Variants in ARMCX1 observed in about 807,000 individuals in gnomAD.
ARMCX1 encodes armadillo repeat containing X-linked 1, also known as armadillo repeat-containing X-linked protein 1.
In ARMCX1, 4 loss-of-function variants were observed where a neutral mutation model predicts 15.4. That is an observed-to-expected ratio of 0.26 (90% CI 0.13 to 0.59). The LOEUF is 0.59. ARMCX1 is among the 20% of genes least tolerant of loss of function. The pLI is 0.89. For missense variants in ARMCX1, 273 were observed against 337.1 expected (o/e 0.81, Z 1.49); for synonymous variants, 144 against 130.5 (o/e 1.10, Z -0.71).
chrX:101,553,957 A>G lies in ARMCX1; in HGVS notation c.1027A>G (p.Thr343Ala). 1 of 1,209,946 alleles carries G rather than the reference A, an allele frequency of 8.3e-7. No homozygotes were observed. Among genetic ancestry groups the G allele is most frequent in the Non-Finnish European group, 1.1e-6 (1 of 894,547 alleles). ...TTTGTTATTCCTGGGAAATCACTTC[A>G]CCAAGATACAGATTATGAAACTAAT... Reference protein sequence around the residue: ...FALLFLGNHFTKIQIMKLIIN... With the variant: ...FALLFLGNHFAKIQIMKLIIN... Residue 343 changes from threonine to alanine, a missense_variant, in exon 4 of 4, where the codon ACC becomes GCC. Around this residue, in one of 2 missense-constraint regions of ARMCX1, gnomAD observed 126 missense variants for 193.6 expected, o/e 0.65. Transcript: ENST00000372829.
intron 2 of ARMCX1, among the ~76,000 whole-genome samples, chrX:101,551,268 C>T (rs1271764422): frequency 1.8e-5 from 2 of 110,098 alleles, no homozygotes; most frequent in African/African-American, 6.6e-5. Context: ...TCCATATCCC[C>T]CCTCGCCCCG....
intron 3 of ARMCX1, among the ~76,000 whole-genome samples, chrX:101,552,298 G>C (rs942091084): frequency 9.9e-5 from 11 of 110,807 alleles, no homozygotes; most frequent in Non-Finnish European, 1.7e-4. Context: ...TCTGTGAGGA[G>C]AGGAGGGTAA....
chrX:101,554,423 A>G lies in ARMCX1; in HGVS notation c.*131A>G. 1.5e-6 allele frequency: 1 copy of G among 672,628 alleles called. No homozygotes were observed. The highest frequency in any genetic ancestry group is 3.6e-5 in the East Asian group (1 of 28,045). 55.4% of individuals were successfully genotyped at this position (672,628 alleles called of 1,213,427 possible). A position where few individuals can be genotyped will look rare whatever the true frequency, so the allele number is the denominator to read the frequency against. ...CTGCTATTTTGGAATAATGACTATC[A>G]TATATCATAACAGTGACTGATGTTG... On this transcript the variant is annotated 3_prime_UTR_variant, in exon 4 of 4. Coordinates refer to ENST00000372829, the MANE Select transcript of ARMCX1 (RefSeq NM_016608.2).
In ARMCX1 at chrX:101,552,833, G is replaced by T; in HGVS notation, c.-98G>T. The stretch of plus-strand genomic sequence containing the variant: ...GGTCGAGCTGCCTCAGAGCCGGCCC[G>T]CAGTAGCTGCAGACTCCGCCCGCGA... On this transcript the variant is annotated 5_prime_UTR_variant, in exon 4 of 4. Transcript: ENST00000372829. 9.9e-7 allele frequency: 1 copy of T among 1,008,302 alleles called. No homozygotes were observed. The highest frequency in any genetic ancestry group is 1.3e-6 in the Non-Finnish European group (1 of 749,297). The allele number at this position is 1,008,302 out of a possible 1,213,427, so 83.1% of individuals were successfully genotyped here. A position where few individuals can be genotyped will look rare whatever the true frequency, so the allele number is the denominator to read the frequency against.
rs1935411454 is a variant in ARMCX1 at position 101,554,130 on chromosome X, A to G, written c.1200A>G (p.Ile400Met). 1 of 1,208,398 alleles carries G rather than the reference A, an allele frequency of 8.3e-7. No homozygotes were observed. Among genetic ancestry groups the G allele is most frequent in the Non-Finnish European group, 1.1e-6 (1 of 894,650 alleles). Residue 400 changes from isoleucine to methionine, a missense_variant, in exon 4 of 4, where the codon ATA becomes ATG. This residue lies in a region of ARMCX1 where 126 missense variants were observed against 193.6 expected (regional missense o/e 0.65). Transcript: ENST00000372829. ...LTLFENINDN[I>M]KNEGLASSRK... ...TATTTGAGAATATAAATGACAACATAAAAAATGAAGGGCTCGCATCATCCA... is the reference window on the plus strand; with the variant it reads ...TATTTGAGAATATAAATGACAACATGAAAAATGAAGGGCTCGCATCATCCA...
chrX:101,553,197 T>G lies in ARMCX1; in HGVS notation c.267T>G (p.Gly89=), dbSNP rs1426236500. Residue 89 remains glycine, a synonymous_variant, in exon 4 of 4, where the codon GGT becomes GGG. Coordinates refer to ENST00000372829, the MANE Select transcript of ARMCX1 (RefSeq NM_016608.2). ...EVSLGLEDCP[G]VKEKAHSGSH... ...GTTTGGGACTCGAGGATTGTCCGGG[T>G]GTAAAAGAGAAGGCCCATTCAGGAT... 1 of 1,211,020 alleles carries G rather than the reference T, an allele frequency of 8.3e-7. No individual in the cohort carries two copies. The highest frequency in any genetic ancestry group is 1.7e-5 in the African/African-American group (1 of 57,539).
intron 3 of ARMCX1, 42 bp from the exon 4 acceptor site, chrX:101,552,767 C>G: frequency 1.9e-6 from 1 of 513,238 alleles, no homozygotes. Flanking sequence ...TTCAAAGACA[C>G]AAAAAGGAGC....
intron 3 of ARMCX1, among the ~76,000 whole-genome samples, chrX:101,552,433 C>T (rs1292893059): frequency 9.0e-6 from 1 of 111,269 alleles, no homozygotes; most frequent in African/African-American, 3.3e-5. Flanking sequence ...TCCCCGCGCC[C>T]TTGGTCTGCA....
At chrX:101,552,015 T>TGG (rs372253601) in intron 3 of ARMCX1, among the ~76,000 whole-genome samples, 179 of 8,055 alleles carry the variant, frequency 0.022, 2 homozygotes, top group South Asian at 0.091. Flanking sequence ...TGACACGGGG[T>TGG]GGGGGGGGGG....
chrX:101,552,026 G>GGT (rs1471600458), intron 3 of ARMCX1, among the ~76,000 whole-genome samples: 1 of 53,817 alleles, frequency 1.9e-5, no homozygotes, highest in African/African-American at 8.0e-5. Flanking sequence ...GGGGGGGGGG[G>GGT]GCGGCGGTGT....
In ARMCX1 at chrX:101,554,238, T is replaced by C; in HGVS notation, c.1308T>C (p.Asn436=). 1 of 1,202,718 alleles carries C rather than the reference T, an allele frequency of 8.3e-7. No individual in the cohort carries two copies. ...TTAAGAAAATCAAAGCACTAGCAAA[T>C]CACAATGATCTGGTGGTGAAAGTAA... ...VCVKKIKALA[N]HNDLVVKVKV... Residue 436 remains asparagine, a synonymous_variant, in exon 4 of 4, where the codon AAT becomes AAC. Coordinates refer to ENST00000372829, the MANE Select transcript of ARMCX1 (RefSeq NM_016608.2).
chrX:101,552,285 A>T (rs909274683), intron 3 of ARMCX1, among the ~76,000 whole-genome samples: 25 of 110,689 alleles, frequency 2.3e-4, no homozygotes, highest in African/African-American at 7.2e-4. Context: ...CCAAAGCCGC[A>T]GCTCTGTGAG....
intron 3 of ARMCX1, among the ~76,000 whole-genome samples, chrX:101,552,143 A>G (rs2147741170): frequency 9.1e-6 from 1 of 109,580 alleles, no homozygotes; most frequent in Non-Finnish European, 1.9e-5. Context: ...TCATTTTGTT[A>G]CAAGGAAAAT....
Position 101,552,025 on chromosome X carries a change from G to A in ARMCX1, c.-123+392G>A, listed in dbSNP as rs1287239544. ...TATAATGACACGGGGTGGGGGGGGG[G>A]GGCGGCGGTGTCCTGGTACATTTGA... On this transcript the variant is annotated intron_variant, in intron 3 of 3. Coordinates refer to ENST00000372829, the MANE Select transcript of ARMCX1 (RefSeq NM_016608.2). 1.9e-4 allele frequency among the ~76,000 whole-genome samples: 11 copies of A among 56,733 alleles called. 1 individual carries two copies. The highest frequency in any genetic ancestry group is 3.0e-4 in the African/African-American group (4 of 13,376). The allele number at this position is 56,733 out of a possible 115,157, so 49.3% of individuals were successfully genotyped here.
At position 101,554,434 on chromosome X, in the gene ARMCX1, C is replaced by A; in HGVS notation, c.*142C>A. The A allele has an allele frequency of 1.7e-6, 1 of 594,035 alleles. No individual in the cohort carries two copies. Among genetic ancestry groups the A allele is most frequent in the Non-Finnish European group, 2.5e-6 (1 of 399,180 alleles). The allele number at this position is 594,035 out of a possible 1,213,427, so 49.0% of individuals were successfully genotyped here. A position where few individuals can be genotyped will look rare whatever the true frequency, so the allele number is the denominator to read the frequency against. ...GAATAATGACTATCATATATCATAA[C>A]AGTGACTGATGTTGGTTGTAATGGT... On this transcript the variant is annotated 3_prime_UTR_variant, in exon 4 of 4. Coordinates refer to ENST00000372829, the MANE Select transcript of ARMCX1 (RefSeq NM_016608.2).
chrX:101,552,888 G>A lies in ARMCX1; in HGVS notation c.-43G>A. 8.5e-7 allele frequency: 1 copy of A among 1,178,029 alleles called. No homozygotes were observed. On this transcript the variant is annotated 5_prime_UTR_variant, in exon 4 of 4. Coordinates refer to ENST00000372829, the MANE Select transcript of ARMCX1 (RefSeq NM_016608.2). Reference sequence around the variant, plus strand: ...TGCGCGCTTCTCTGGGCCAGAGCGAGCCTGTTTTGTGCTCGGGTTAAGAGA... The same window carrying A: ...TGCGCGCTTCTCTGGGCCAGAGCGAACCTGTTTTGTGCTCGGGTTAAGAGA...
chrX:101,553,795 A>C lies in ARMCX1; in HGVS notation c.865A>C (p.Ser289Arg), dbSNP rs782024205. The C allele has an allele frequency of 4.1e-6, 5 of 1,210,265 alleles. No homozygotes were observed. The highest frequency in any genetic ancestry group is 5.6e-6 in the Non-Finnish European group (5 of 895,312). The change falls in exon 4 of 4, where the codon AGT becomes CGT. Residue 289 changes from serine to arginine, a missense_variant. Ser to Arg is a moderately radical substitution (Grantham distance 110, BLOSUM62 -1). This residue lies in a region of ARMCX1 where 126 missense variants were observed against 193.6 expected (regional missense o/e 0.65). Transcript: ENST00000372829. Reference sequence around the variant, plus strand: ...TCAGGGCAAGATTAAGACGTACATCAGTCAAGTGTGTGATGACACCATGGT... The same window carrying C: ...TCAGGGCAAGATTAAGACGTACATCCGTCAAGTGTGTGATGACACCATGGT... ...ENQGKIKTYI[S>R]QVCDDTMVCR...
Position 101,552,941 on chromosome X carries a change from C to T in ARMCX1, c.11C>T (p.Thr4Ile), listed in dbSNP as rs376752530. 1.7e-6 allele frequency: 2 copies of T among 1,207,687 alleles called. No individual in the cohort carries two copies. Among genetic ancestry groups the T allele is most frequent in the African/African-American group, 3.5e-5 (2 of 57,188 alleles). ...TGTCCCAGCTATACCATGGGCCGCA[C>T]TCGGGAAGCTGGCTGCGTGGCCGCT... Reference protein sequence around the residue: MGRTREAGCVAAGV... With the variant: MGRIREAGCVAAGV... Residue 4 changes from threonine to isoleucine, a missense_variant, in exon 4 of 4, where the codon ACT becomes ATT. Transcript: ENST00000372829.
chrX:101,551,118 C>T (rs1445574364), intron 2 of ARMCX1, 94 bp downstream of exon 2: 1 of 111,085 alleles, frequency 9.0e-6, no homozygotes, highest in Non-Finnish European at 1.9e-5. Context: ...GACTCTCAAG[C>T]AATCTTCCTG....
Sources: allele counts gnomAD v4.1 joint callset (sites outside exome capture counted in the v4.1 genomes callset), GRCh38; gene constraint gnomAD v4.1.1; regional missense constraint gnomAD v4.1.1; transcripts MANE v1.5; gene names NCBI Gene and HGNC (gene_info 2026-07-23, HGNC 2026-07-21).